SHLD2: variants seen among roughly 807,000 people sequenced by gnomAD.
SHLD2 encodes the protein RINN1-REV7-interacting novel NHEJ regulator 2.
In SHLD2, 30 loss-of-function variants were observed where a neutral mutation model predicts 73.2. The observed-to-expected ratio is 0.41, with a 90% CI of 0.31 to 0.56. SHLD2 has a LOEUF of 0.56. Among genes scored for constraint, SHLD2 ranks in the 20% least tolerant of loss-of-function variants. The pLI, the probability that SHLD2 is intolerant of heterozygous loss-of-function variation, is 0.28. For missense variants in SHLD2, 745 were observed against 1,055.9 expected, an observed-to-expected ratio of 0.71 and a Z score of 4.08; for synonymous variants, 285 against 370.1, an observed-to-expected ratio of 0.77 and a Z score of 2.64.
chr10:87,187,244 T>A (rs536841914), intron 9 of SHLD2, 44 bp downstream of exon 9: 43 of 1,112,800 alleles, frequency 3.9e-5, no homozygotes, highest in Admixed American at 2.0e-4. Context: ...TATTCAGGAG[T>A]ATAAATGGTA....
upstream of SHLD2, among the ~76,000 whole-genome samples, chr10:87,095,017 C>T (rs1841705829): frequency 6.9e-6 from 1 of 145,316 alleles, no homozygotes; most frequent in South Asian, 2.1e-4. Context: ...CTGGCGGCAG[C>T]GCGCGCCGGC....
At chr10:87,094,908 C>G, upstream of SHLD2, 1 of 509,648 alleles carries the variant, frequency 2.0e-6, no homozygotes, top group Non-Finnish European at 3.2e-6. The surrounding 1 kb of genome is among the most constrained non-coding windows in gnomAD (Gnocchi z 6.6). Context: ...GTCCCCTCCC[C>G]TCGGGCGCTC....
intron 2 of SHLD2, among the ~76,000 whole-genome samples, chr10:87,149,620 G>A (rs1317535757): frequency 6.6e-6 from 1 of 151,972 alleles, no homozygotes; most frequent in African/African-American, 2.4e-5. Flanking sequence ...CTACTCGGTA[G>A]GTTGAGATAG....
intron 8 of SHLD2, among the ~76,000 whole-genome samples, chr10:87,183,458 C>T (rs1424546796): frequency 1.3e-5 from 2 of 152,132 alleles, no homozygotes; most frequent in South Asian, 2.1e-4. Context: ...TCAGTGATTA[C>T]CTCTCATAAT....
intron 2 of SHLD2, among the ~76,000 whole-genome samples, chr10:87,098,513 C>CAAA (rs375253699): frequency 3.4e-5 from 2 of 59,008 alleles, no homozygotes; most frequent in South Asian, 5.8e-4. Context: ...AACTCCATCT[C>CAAA]AAAAAAAAAA....
intron 2 of SHLD2, among the ~76,000 whole-genome samples, chr10:87,109,600 C>T (rs1303611503): frequency 6.6e-6 from 1 of 152,102 alleles, no homozygotes; most frequent in Non-Finnish European, 1.5e-5. Flanking sequence ...CACCTGGCCC[C>T]TCAAATAAGA....
intron 8 of SHLD2, among the ~76,000 whole-genome samples, chr10:87,185,725 TTTGAG>T (rs1198260470): frequency 6.6e-6 from 1 of 152,186 alleles, no homozygotes; most frequent in Non-Finnish European, 1.5e-5. Flanking sequence ...TATTATCTAC[TTTGAG>T]TTAAGTTTTG....
At chr10:87,131,971 T>C (rs1421422555) in intron 2 of SHLD2, among the ~76,000 whole-genome samples, 1 of 152,214 alleles carries the variant, frequency 6.6e-6, no homozygotes, top group Non-Finnish European at 1.5e-5. Flanking sequence ...ACTAATGACA[T>C]TGAGCCTTTT....
At chr10:87,102,372 A>G (rs1020825007) in intron 2 of SHLD2, among the ~76,000 whole-genome samples, 1 of 152,126 alleles carries the variant, frequency 6.6e-6, no homozygotes, top group Non-Finnish European at 1.5e-5. Flanking sequence ...TCAACCTCCC[A>G]AGTAGCTGAG....
At chr10:87,156,203 A>G (rs1478031722) in intron 3 of SHLD2, among the ~76,000 whole-genome samples, 1 of 151,434 alleles carries the variant, frequency 6.6e-6, no homozygotes, top group Non-Finnish European at 1.5e-5. Flanking sequence ...AGTAGCTGGG[A>G]CTACAGGAGC....
intron 8 of SHLD2, among the ~76,000 whole-genome samples, chr10:87,182,336 A>G (rs1204183122): frequency 6.6e-6 from 1 of 152,236 alleles, no homozygotes; most frequent in Non-Finnish European, 1.5e-5. Flanking sequence ...ATTGTGCCCA[A>G]GAAGCTTGGT....
chr10:87,139,198 G>A (rs951515778), intron 2 of SHLD2, among the ~76,000 whole-genome samples: 2 of 151,678 alleles, frequency 1.3e-5, no homozygotes, highest in African/African-American at 4.8e-5. Context: ...AAGGACATTG[G>A]CTAGAGTCTT....
rs537507046 is a variant in SHLD2, at chr10:87,126,248, T to C, written c.-5-25102T>C. Among the ~76,000 whole-genome samples, 1,166 of 152,176 alleles carry C rather than the reference T, an allele frequency of 7.7e-3. 17 individuals carry two copies. Among genetic ancestry groups the C allele is most frequent in the African/African-American group, 0.027 (1,121 of 41,500 alleles). Reference sequence around the variant, plus strand: ...TGTGCACCACCATGCCTGGCTAATTTTTAAATTTTTTTGTAGGGATGGAAT... The same window carrying C: ...TGTGCACCACCATGCCTGGCTAATTCTTAAATTTTTTTGTAGGGATGGAAT... On this transcript the variant is annotated intron_variant, in intron 2 of 9. Transcript: ENST00000298786.
intron 2 of SHLD2, among the ~76,000 whole-genome samples, chr10:87,147,568 TGTC>T (rs938146855): frequency 2.0e-5 from 3 of 152,032 alleles, no homozygotes; most frequent in African/African-American, 7.3e-5. Context: ...AAGCGGTAAA[TGTC>T]GTATACACCT....
intron 2 of SHLD2, among the ~76,000 whole-genome samples, chr10:87,121,564 A>G (rs1843620794): frequency 6.6e-6 from 1 of 151,938 alleles, no homozygotes; most frequent in South Asian, 2.1e-4. Flanking sequence ...TCCAAAATAA[A>G]TGTTATTATT....
intron 4 of SHLD2, among the ~76,000 whole-genome samples, chr10:87,161,097 TAAAAC>T (rs952888070): frequency 9.2e-5 from 14 of 152,106 alleles, no homozygotes; most frequent in Admixed American, 8.5e-4. Flanking sequence ...GAATCAAAGT[TAAAAC>T]AAATTTAAAT....
chr10:87,189,866 A>G (rs1848922651), intron 9 of SHLD2, among the ~76,000 whole-genome samples: 1 of 152,206 alleles, frequency 6.6e-6, no homozygotes, highest in Admixed American at 6.5e-5. Flanking sequence ...TATATGCATA[A>G]GTAACTGTGA....
At chr10:87,122,026 A>G (rs553373856) in intron 2 of SHLD2, among the ~76,000 whole-genome samples, 1 of 151,828 alleles carries the variant, frequency 6.6e-6, no homozygotes, top group South Asian at 2.1e-4. Flanking sequence ...TGGTCTCCCA[A>G]AGTTCTGGGA....
intron 2 of SHLD2, among the ~76,000 whole-genome samples, chr10:87,126,728 C>T (rs1844036847): frequency 6.6e-6 from 1 of 152,090 alleles, no homozygotes; most frequent in Admixed American, 6.6e-5. Context: ...CGTGGAATAG[C>T]TGCGTACACT....
Sources: gnomAD v4.1 joint callset for allele counts (sites outside exome capture counted in the v4.1 genomes callset) on GRCh38, gnomAD v4.1.1 for gene constraint, Gnocchi (gnomAD v3.1) non-coding constraint, MANE v1.5 for transcripts, NCBI Gene and HGNC (gene_info 2026-07-23, HGNC 2026-07-21) for gene names.